Variants in PRTFDC1 observed in about 807,000 individuals in gnomAD.
PRTFDC1 encodes the protein phosphoribosyl transferase domain containing 1.
In PRTFDC1, 38 loss-of-function variants were observed where a neutral mutation model predicts 34.6. The observed-to-expected ratio is 1.10, with a 90% CI of 0.85 to 1.44. PRTFDC1 has a LOEUF of 1.44. Among genes scored for constraint, PRTFDC1 ranks in the 40% most tolerant of loss-of-function variants. The probability of loss-of-function intolerance (pLI) is 0.00; values close to 1 mark genes in which losing one functional copy is unlikely to be tolerated. For missense variants in PRTFDC1, 270 were observed against 283.0 expected, an observed-to-expected ratio of 0.95 and a Z score of 0.33; for synonymous variants, 93 against 98.1, an observed-to-expected ratio of 0.95 and a Z score of 0.31.
At chr10:24,934,916 T>C (rs1029276142) in intron 3 of PRTFDC1, among the ~76,000 whole-genome samples, 1 of 152,196 alleles carries the variant, frequency 6.6e-6, no homozygotes, top group Non-Finnish European at 1.5e-5. Flanking sequence ...ACACACAATA[T>C]GGATGAATGC....
chr10:24,881,781 G>A (rs1021195839), intron 3 of PRTFDC1, among the ~76,000 whole-genome samples: 3 of 151,962 alleles, frequency 2.0e-5, no homozygotes, highest in Non-Finnish European at 2.9e-5. Flanking sequence ...AATGAACACC[G>A]ACCACCGTTT....
intron 1 of PRTFDC1, among the ~76,000 whole-genome samples, chr10:24,946,067 T>A (rs898747025): frequency 2.0e-5 from 3 of 152,176 alleles, no homozygotes; most frequent in African/African-American, 2.4e-5. Flanking sequence ...CCACATGTAC[T>A]ATCTACCCCA....
chr10:24,921,627 C>A (rs1480972190), intron 3 of PRTFDC1, among the ~76,000 whole-genome samples: 1 of 151,742 alleles, frequency 6.6e-6, no homozygotes, highest in Non-Finnish European at 1.5e-5. Flanking sequence ...ACTGTTGTGC[C>A]CTTTTCCTCA....
At chr10:24,919,223 C>T in intron 3 of PRTFDC1, among the ~76,000 whole-genome samples, 1 of 152,132 alleles carries the variant, frequency 6.6e-6, no homozygotes, top group East Asian at 1.9e-4. Flanking sequence ...AAGTCTTTCT[C>T]TTAAAAATAT....
At chr10:24,901,402 C>G (rs1450384952) in intron 3 of PRTFDC1, among the ~76,000 whole-genome samples, 1 of 152,068 alleles carries the variant, frequency 6.6e-6, no homozygotes, top group African/African-American at 2.4e-5. Context: ...AGAGAAATGA[C>G]CACCACCACC....
Position 24,872,036 on chromosome 10 carries a change from T to A in PRTFDC1, c.367A>T (p.Ile123Leu). The part of the protein sequence containing the change: ...RNDQSMGEMQ[I>L]IGGDDLSTLA... ...GTTGAAAGATCATCGCCTCCGATTA[T>A]CTGCATCTCACCCATGGACTGGTCA... The change falls in exon 4 of 9, where the codon ATA (isoleucine) becomes TTA (leucine). Residue 123 changes from isoleucine to leucine, a missense_variant. Ile to Leu is a conservative substitution (Grantham distance 5). Transcript: ENST00000320152. 1 of 1,612,244 alleles carries A rather than the reference T, an allele frequency of 6.2e-7. No individual in the cohort carries two copies. Among genetic ancestry groups the A allele is most frequent in the South Asian group, 1.1e-5 (1 of 91,036 alleles).
intron 1 of PRTFDC1, 151 bp from the exon 2 acceptor site, chr10:24,942,587 G>A (rs1263818193): frequency 2.1e-5 from 14 of 662,832 alleles, no homozygotes; most frequent in Non-Finnish European, 3.3e-5. Flanking sequence ...GATACAAGGC[G>A]CAGTACTAAA....
At chr10:24,876,292 T>C (rs1315847826) in intron 3 of PRTFDC1, among the ~76,000 whole-genome samples, 2 of 152,072 alleles carry the variant, frequency 1.3e-5, no homozygotes, top group African/African-American at 4.8e-5. Context: ...TTTTTTCCTG[T>C]CTGGTAGATT....
intron 3 of PRTFDC1, among the ~76,000 whole-genome samples, chr10:24,894,318 A>G (rs73606586): frequency 0.12 from 18,256 of 146,260 alleles, 1,366 homozygotes; most frequent in African/African-American, 0.2. Flanking sequence ...CGACAGAGCT[A>G]GACTCAATCT....
At chr10:24,873,877 G>GAA (rs1222793975) in intron 3 of PRTFDC1, among the ~76,000 whole-genome samples, 1 of 115,454 alleles carries the variant, frequency 8.7e-6, no homozygotes, top group African/African-American at 3.1e-5. Context: ...CTGCTCAAAC[G>GAA]AAAAAAAAAA....
intron 3 of PRTFDC1, among the ~76,000 whole-genome samples, chr10:24,906,579 C>A (rs1396766638): frequency 1.3e-5 from 2 of 151,542 alleles, no homozygotes; most frequent in Non-Finnish European, 2.9e-5. Flanking sequence ...AAAGAGCACT[C>A]CCTTGAAAAA....
Position 24,908,193 on chromosome 10 carries a change from G to A in PRTFDC1, c.339+28991C>T, listed in dbSNP as rs1188222375. The stretch of plus-strand genomic sequence containing the variant: ...GGGCCTGGGGCTACATCATACTCTC[G>A]TATCCCCACCACTGCAGCAGATACA... On this transcript the variant is annotated intron_variant, in intron 3 of 8. Transcript: ENST00000320152. 3 of 279,998 alleles carry A rather than the reference G, an allele frequency of 1.1e-5. No homozygotes were observed. The South Asian group carries it at 1.7e-4, about 16-fold the overall frequency. 17.3% of individuals were successfully genotyped at this position (279,998 alleles called of 1,614,324 possible).
rs915042444 is a variant in PRTFDC1, at chr10:24,908,445, A to G, written c.339+28739T>C. 5.8e-6 allele frequency: 9 copies of G among 1,561,750 alleles called. No homozygotes were observed. The African/African-American group carries it at 1.2e-4, about 21-fold the overall frequency. The stretch of plus-strand genomic sequence containing the variant: ...AGACTGTGGGCACAGCCAGGGCTTG[A>G]AGACAGTGAGCCCTAGAATGGTCCA... On this transcript the variant is annotated intron_variant, in intron 3 of 8. Coordinates refer to ENST00000320152, the MANE Select transcript of PRTFDC1 (RefSeq NM_020200.7).
chr10:24,866,286 G>C (rs1408903025), intron 4 of PRTFDC1, among the ~76,000 whole-genome samples: 3 of 151,366 alleles, frequency 2.0e-5, no homozygotes, highest in African/African-American at 7.3e-5. Context: ...GCTTGAACGT[G>C]GGAGGTGCAG....
chr10:24,938,161 G>A (rs935808588), intron 2 of PRTFDC1, among the ~76,000 whole-genome samples: 1 of 151,812 alleles, frequency 6.6e-6, no homozygotes, highest in Non-Finnish European at 1.5e-5. Flanking sequence ...AGGAGGCAGA[G>A]GTTGCAATGA....
intron 2 of PRTFDC1, among the ~76,000 whole-genome samples, chr10:24,940,848 A>G (rs1248206088): frequency 1.3e-5 from 2 of 152,238 alleles, no homozygotes; most frequent in East Asian, 3.8e-4. Context: ...AAATGGCCAG[A>G]AAAGACAAAT....
At chr10:24,937,014 A>G (rs1295467807) in intron 3 of PRTFDC1, among the ~76,000 whole-genome samples, 170 bp downstream of exon 3, 1 of 152,198 alleles carries the variant, frequency 6.6e-6, no homozygotes, top group African/African-American at 2.4e-5. Flanking sequence ...CCTAAATAGT[A>G]TCATTTGAAT....
intron 2 of PRTFDC1, among the ~76,000 whole-genome samples, chr10:24,940,602 G>A (rs904723660): frequency 6.6e-6 from 1 of 152,206 alleles, no homozygotes; most frequent in Non-Finnish European, 1.5e-5. Flanking sequence ...TATGCTGCTG[G>A]TGGCAATGTA....
At chr10:24,879,031 A>G (rs1848019955) in intron 3 of PRTFDC1, among the ~76,000 whole-genome samples, 1 of 152,194 alleles carries the variant, frequency 6.6e-6, no homozygotes, top group Admixed American at 6.5e-5. Flanking sequence ...AGTCAGAAAC[A>G]TTTCATTATA....
Sources: gnomAD v4.1 joint callset for allele counts (sites outside exome capture counted in the v4.1 genomes callset) on GRCh38, gnomAD v4.1.1 for gene constraint, MANE v1.5 for transcripts, NCBI Gene and HGNC (gene_info 2026-07-23, HGNC 2026-07-21) for gene names.